The following MVB12B variants were observed in gnomAD, a reference collection of about 807,000 sequenced individuals.
MVB12B encodes ESCRT-I complex subunit MVB12B.
In MVB12B, 16 loss-of-function variants were observed where a neutral mutation model predicts 41.6. The ratio of observed to expected loss-of-function variants is 0.38; its 90% CI spans 0.26 to 0.58. The LOEUF (loss-of-function observed/expected upper bound fraction) is 0.58, where lower values mean the gene tolerates loss of function less well. Among genes scored for constraint, MVB12B ranks in the 20% least tolerant of loss-of-function variants. The pLI is 0.62. For synonymous variants in MVB12B, 133 were observed against 139.7 expected (o/e 0.95, Z 0.34); for missense variants, 274 against 380.2 (o/e 0.72, Z 2.32).
chr9:126,379,457 T>C (rs1830577294), intron 2 of MVB12B, among the ~76,000 whole-genome samples: 1 of 152,210 alleles, frequency 6.6e-6, no homozygotes, highest in Non-Finnish European at 1.5e-5. Flanking sequence ...CTAGAAACTC[T>C]ATGTGTGACC....
intron 7 of MVB12B, among the ~76,000 whole-genome samples, chr9:126,423,344 G>C (rs1227682716): frequency 5.9e-5 from 9 of 152,236 alleles, no homozygotes; most frequent in Non-Finnish European, 1.2e-4. Flanking sequence ...AAGAGCCACA[G>C]AGTGAAATCT....
chr9:126,412,894 T>C (rs1222932260), intron 6 of MVB12B, among the ~76,000 whole-genome samples: 1 of 152,226 alleles, frequency 6.6e-6, no homozygotes, highest in Non-Finnish European at 1.5e-5. Context: ...TCTTTGGGAG[T>C]TGGGCATTTC....
intron 2 of MVB12B, among the ~76,000 whole-genome samples, chr9:126,358,870 A>G (rs10987254): frequency 1.3e-5 from 2 of 151,890 alleles, no homozygotes; most frequent in South Asian, 2.1e-4. Flanking sequence ...CCTTTTCCCA[A>G]ATCTTAGGGG....
At position 126,436,452 on chromosome 9, in the gene MVB12B, C is replaced by T. The variant is rs1832481549; in HGVS notation, c.757+14504C>T. Among the ~76,000 whole-genome samples the T allele has an allele frequency of 6.6e-6, 1 of 152,186 alleles. No individual in the cohort carries two copies. The highest frequency in any genetic ancestry group is 2.4e-5 in the African/African-American group (1 of 41,438). On this transcript the variant is annotated intron_variant, in intron 7 of 9. Coordinates refer to ENST00000361171, the MANE Select transcript of MVB12B (RefSeq NM_033446.3). The surrounding 1 kb of genome is among the most constrained non-coding windows in gnomAD (Gnocchi z 4.1). ...GGTGGAGTTTCAAAGTCAATTACTGCTTGTCCTATTATAATTTACACACAC... is the reference window on the plus strand; with the variant it reads ...GGTGGAGTTTCAAAGTCAATTACTGTTTGTCCTATTATAATTTACACACAC...
rs939083090 is a variant in MVB12B at position 126,328,933 on chromosome 9, C to G, written c.81+1923C>G. 2.0e-5 allele frequency among the ~76,000 whole-genome samples: 3 copies of G among 152,096 alleles called. No homozygotes were observed. In the East Asian group the frequency reaches 5.8e-4, roughly 29 times the overall value. On this transcript the variant is annotated intron_variant, in intron 1 of 9. Coordinates refer to ENST00000361171, the MANE Select transcript of MVB12B (RefSeq NM_033446.3). ...AAGTATAGGTGCCTGCCACCACGCT[C>G]GGCTGTTTTTTTAAATTATTATTAT...
At chr9:126,399,925 C>CA (rs1331358077) in intron 6 of MVB12B, among the ~76,000 whole-genome samples, 2 of 152,182 alleles carry the variant, frequency 1.3e-5, no homozygotes, top group African/African-American at 4.8e-5. Flanking sequence ...GCGATGGGCG[C>CA]AGGCGGAGAG....
At chr9:126,381,256 G>A in intron 3 of MVB12B, 85 bp downstream of exon 3, 3 of 1,003,198 alleles carry the variant, frequency 3.0e-6, no homozygotes, top group South Asian at 2.8e-5. Context: ...TGTTGTTGTT[G>A]TGGTTTATTT....
intron 1 of MVB12B, chr9:126,327,258 G>GGGACCCGAGTGCCAGCAGC (rs1829007714): frequency 1.0e-6 from 1 of 984,498 alleles, no homozygotes; most frequent in African/African-American, 1.7e-5. Context: ...GAGAAGCTGG[G>GGGACCCGAGTGCCAGCAGC]GGACCCGAGT....
At chr9:126,497,611 T>G (rs1351881575) in intron 9 of MVB12B, among the ~76,000 whole-genome samples, 2 of 152,132 alleles carry the variant, frequency 1.3e-5, no homozygotes, top group Non-Finnish European at 2.9e-5. Context: ...AAGAGAGCAT[T>G]GAACAAGGAA....
intron 7 of MVB12B, among the ~76,000 whole-genome samples, chr9:126,449,015 G>A (rs1832843656): frequency 6.6e-6 from 1 of 152,222 alleles, no homozygotes; most frequent in African/African-American, 2.4e-5. Flanking sequence ...AGAAGGAAGG[G>A]CAGGGGTTTT....
chr9:126,392,263 T>C lies in MVB12B; in HGVS notation c.539+68T>C. 6.3e-7 allele frequency: 1 copy of C among 1,584,542 alleles called. No homozygotes were observed. The highest frequency in any genetic ancestry group is 1.7e-5 in the Admixed American group (1 of 59,030). ...AGAGCACTCAGGCCACTCCAGGCAA[T>C]GAGGTCCAAGAGATTTCCATGCAGC... On this transcript the variant is annotated intron_variant, in intron 5 of 9. Coordinates refer to ENST00000361171, the MANE Select transcript of MVB12B (RefSeq NM_033446.3). This position sits in a 1 kb window ranked among gnomAD's most constrained non-coding sequence, Gnocchi z 4.8.
intron 7 of MVB12B, among the ~76,000 whole-genome samples, chr9:126,463,405 G>T (rs1833132788): frequency 6.6e-6 from 1 of 152,140 alleles, no homozygotes; most frequent in African/African-American, 2.4e-5. Flanking sequence ...TAAAATGAGA[G>T]AAATACAAGG....
At chr9:126,427,870 C>T (rs192767236) in intron 7 of MVB12B, among the ~76,000 whole-genome samples, 6 of 152,134 alleles carry the variant, frequency 3.9e-5, no homozygotes, top group African/African-American at 1.4e-4. Context: ...AGGGGGCACA[C>T]AATTGTCCCA....
intron 6 of MVB12B, among the ~76,000 whole-genome samples, chr9:126,404,704 C>T (rs923498887): frequency 2.0e-5 from 3 of 152,232 alleles, no homozygotes; most frequent in Non-Finnish European, 2.9e-5. Context: ...CTGTGGTCGC[C>T]GACTGAGGGA....
In MVB12B at chr9:126,378,423, A is replaced by G. The variant is rs1830541998; in HGVS notation, c.205-2641A>G. On this transcript the variant is annotated intron_variant, in intron 2 of 9. Transcript: ENST00000361171. ...TTGCTGTAGGAAAGACAGGCCAGAA[A>G]TGCCCCCCTTGTTCCACCAGGGCTG... Among the ~76,000 whole-genome samples the G allele has an allele frequency of 2.0e-5, 3 of 152,096 alleles. No individual in the cohort carries two copies. In the South Asian group the frequency reaches 6.2e-4, roughly 32 times the overall value.
chr9:126,331,054 T>C (rs1025667174), intron 1 of MVB12B, among the ~76,000 whole-genome samples: 1 of 152,226 alleles, frequency 6.6e-6, no homozygotes, highest in Admixed American at 6.5e-5. Context: ...TTGTGAATAA[T>C]GTTGCTCTGA....
Position 126,503,174 on chromosome 9 carries a change from CAGTACG to C in MVB12B, c.877_882del (p.Glu293_Tyr294del). ...GTCTCTCTGTCCCCACCCGCCCCTG[CAGTACG>C]AGTACAGCTTCCGCACAGAGCAGAG... On this transcript the variant is annotated splice_acceptor_variant and coding_sequence_variant, in exon 10 of 10. Coordinates refer to ENST00000361171, the MANE Select transcript of MVB12B (RefSeq NM_033446.3). LOFTEE classifies it high-confidence loss of function. The C allele has an allele frequency of 6.5e-7, 1 of 1,550,256 alleles. No homozygotes were observed. Among genetic ancestry groups the C allele is most frequent in the South Asian group, 1.2e-5 (1 of 84,078 alleles).
chr9:126,388,370 T>G (rs10987262), intron 4 of MVB12B, among the ~76,000 whole-genome samples: 48,283 of 151,788 alleles, frequency 0.32, 7,857 homozygotes, highest in South Asian at 0.42. Context: ...AGATCATTAC[T>G]TCATTCCTTC....
At chr9:126,365,220 AT>A (rs71377933) in intron 2 of MVB12B, among the ~76,000 whole-genome samples, 19,520 of 122,382 alleles carry the variant, frequency 0.16, 1,718 homozygotes, top group East Asian at 0.41. Context: ...CACCCAGCTA[AT>A]TTTTTTTTTT....
Sources: allele counts gnomAD v4.1 joint callset (sites outside exome capture counted in the v4.1 genomes callset), GRCh38; gene constraint gnomAD v4.1.1; non-coding constraint Gnocchi (gnomAD v3.1); transcripts MANE v1.5; gene names NCBI Gene and HGNC (gene_info 2026-07-23, HGNC 2026-07-21).